TACC2: variants seen among roughly 807,000 people sequenced by gnomAD.
TACC2 encodes transforming acidic coiled-coil containing protein 2.
A neutral mutation model predicts 227.3 loss-of-function variants in TACC2; 137 were observed. The ratio of observed to expected loss-of-function variants is 0.60; its 90% CI spans 0.52 to 0.69. The LOEUF is 0.69. Ranked by LOEUF, TACC2 falls within the 30% of genes least tolerant of loss-of-function variation. The pLI is 0.00. For synonymous variants in TACC2, 1,523 were observed against 1,487.5 expected, an observed-to-expected ratio of 1.02 and a Z score of -0.55; for missense variants, 3,470 against 3,694.4, an observed-to-expected ratio of 0.94 and a Z score of 1.57.
rs2091909198 is a variant in TACC2, at chr10:122,150,356, G to A, written c.5834+6650G>A. Among the ~76,000 whole-genome samples the A allele has an allele frequency of 6.6e-6, 1 of 152,362 alleles. No individual in the cohort carries two copies. Among genetic ancestry groups the A allele is most frequent in the African/African-American group, 2.4e-5 (1 of 41,594 alleles). On this transcript the variant is annotated intron_variant, in intron 7 of 22. Transcript: ENST00000369005. The surrounding 1 kb of genome is among the most constrained non-coding windows in gnomAD (Gnocchi z 4.0). ...TCAGCACAGCACTGGTGGGTGGAAG[G>A]TTCCAGGGCAGTGTGGGGGCCCTTC...
intron 2 of TACC2, among the ~76,000 whole-genome samples, chr10:122,030,081 A>T (rs1009462854): frequency 3.3e-5 from 5 of 152,206 alleles, no homozygotes; most frequent in African/African-American, 1.2e-4. Flanking sequence ...ACAGTCCCCC[A>T]CAATAAAGAA....
At chr10:122,035,880 A>G (rs1373959721) in intron 2 of TACC2, among the ~76,000 whole-genome samples, 4 of 151,608 alleles carry the variant, frequency 2.6e-5, no homozygotes, top group African/African-American at 9.7e-5. Flanking sequence ...TAGTGCAATC[A>G]TAGTTCACTG....
rs1005242661 is a variant in TACC2 at position 122,209,639 on chromosome 10, C to T, written c.5972-758C>T. On this transcript the variant is annotated intron_variant, in intron 8 of 22. Transcript: ENST00000369005. The surrounding 1 kb of genome is among the most constrained non-coding windows in gnomAD (Gnocchi z 4.5). ...TTTTAAAAGTGAAACTCTCCTATCC[C>T]GGCTTTATTTTTCTCCTTAGCATGT... Among the ~76,000 whole-genome samples, 4 of 152,134 alleles carry T rather than the reference C, an allele frequency of 2.6e-5. No homozygotes were observed. Among genetic ancestry groups the T allele is most frequent in the African/African-American group, 9.7e-5 (4 of 41,430 alleles).
At chr10:122,173,159 G>A (rs1156671334) in intron 7 of TACC2, among the ~76,000 whole-genome samples, 4 of 152,206 alleles carry the variant, frequency 2.6e-5, no homozygotes, top group South Asian at 2.1e-4. Context: ...GATGGCTTTA[G>A]AGAAATGTGC....
At chr10:122,154,311 T>G (rs7100333) in intron 7 of TACC2, among the ~76,000 whole-genome samples, 121,744 of 152,260 alleles carry the variant, frequency 0.8, 49,150 homozygotes, top group Non-Finnish European at 0.86. Flanking sequence ...TATAAACTGG[T>G]CTTAAGATCG....
At position 122,210,364 on chromosome 10, in the gene TACC2, C is replaced by T; in HGVS notation, c.5972-33C>T. On this transcript the variant is annotated intron_variant, in intron 8 of 22. Coordinates refer to ENST00000369005, the MANE Select transcript of TACC2 (RefSeq NM_206862.4). This position sits in a 1 kb window ranked among gnomAD's most constrained non-coding sequence, Gnocchi z 4.6. ...AGAGGTGCCCCAATGCGTCCTGTGT[C>T]TGTAATTGATGGCGTTGTCTGTGTT... is the stretch of plus-strand genomic sequence containing the variant. 6.5e-7 allele frequency: 1 copy of T among 1,546,120 alleles called. No individual in the cohort carries two copies. Among genetic ancestry groups the T allele is most frequent in the Non-Finnish European group, 8.9e-7 (1 of 1,118,474 alleles).
intron 6 of TACC2, among the ~76,000 whole-genome samples, chr10:122,142,902 C>CT (rs2090834062): frequency 1.3e-5 from 2 of 152,236 alleles, no homozygotes; most frequent in Non-Finnish European, 2.9e-5. Flanking sequence ...AGAACCTCTT[C>CT]TGCACTGCAA....
rs1295149350 is a variant in TACC2 at position 122,143,220 on chromosome 10, C to T, written c.5700-352C>T. ...GTAGAGTTTCATTGCCTATCACAAA[C>T]GAATAGAAATCATCATAAAAAAAAT... On this transcript the variant is annotated intron_variant, in intron 6 of 22. Transcript: ENST00000369005. Among the ~76,000 whole-genome samples, 6 of 152,196 alleles carry T rather than the reference C, an allele frequency of 3.9e-5. No individual in the cohort carries two copies. In the East Asian group the frequency reaches 5.8e-4, roughly 15 times the overall value.
chr10:122,203,866 C>A (rs1288952484), intron 8 of TACC2, among the ~76,000 whole-genome samples: 1 of 151,982 alleles, frequency 6.6e-6, no homozygotes, highest in Non-Finnish European at 1.5e-5. Context: ...AGCCTTGGCA[C>A]CATTGAGCAC....
chr10:122,226,611 T>TC (rs2095634496), intron 13 of TACC2, 130 bp downstream of exon 13: 1 of 663,772 alleles, frequency 1.5e-6, no homozygotes, highest in East Asian at 2.8e-5. Context: ...CATATTTTTT[T>TC]TTTTTTTAAT....
rs1434555063 is a variant in TACC2 at position 122,205,675 on chromosome 10, C to A, written c.5972-4722C>A. ...CTGTTACGATGGGGGCCCTGAGCCC[C>A]CACCCCAGCCCTGCAGAAGGAAGTG... On this transcript the variant is annotated intron_variant, in intron 8 of 22. Coordinates refer to ENST00000369005, the MANE Select transcript of TACC2 (RefSeq NM_206862.4). The surrounding 1 kb of genome is among the most constrained non-coding windows in gnomAD (Gnocchi z 4.5). Among the ~76,000 whole-genome samples the A allele has an allele frequency of 1.3e-5, 2 of 152,304 alleles. No individual in the cohort carries two copies. Among genetic ancestry groups the A allele is most frequent in the East Asian group, 3.9e-4 (2 of 5,164 alleles).
chr10:122,155,913 C>T (rs565604720), intron 7 of TACC2, among the ~76,000 whole-genome samples: 2 of 145,982 alleles, frequency 1.4e-5, no homozygotes, highest in Non-Finnish European at 3.0e-5. Flanking sequence ...TCTTGGCTCA[C>T]TGCAATCTCC....
chr10:122,219,722 G>A (rs1026418885), intron 11 of TACC2, among the ~76,000 whole-genome samples: 9 of 152,084 alleles, frequency 5.9e-5, no homozygotes, highest in Admixed American at 1.3e-4. Flanking sequence ...TCTAAATATC[G>A]GAGAAAAGCA....
intron 3 of TACC2, among the ~76,000 whole-genome samples, chr10:122,066,326 T>C (rs1441211662): frequency 6.6e-6 from 1 of 151,284 alleles, no homozygotes; most frequent in Non-Finnish European, 1.5e-5. Context: ...TGGAGTACAG[T>C]GGCACAGTCT....
intron 5 of TACC2, among the ~76,000 whole-genome samples, chr10:122,107,876 A>ATTTTTTTTTTTTT (rs1464725854): frequency 2.3e-5 from 2 of 85,588 alleles, no homozygotes; most frequent in Non-Finnish European, 4.6e-5. Flanking sequence ...ATATATATAT[A>ATTTTTTTTTTTTT]TATATTTTTT....
At chr10:122,178,157 AC>A (rs2093809456) in intron 7 of TACC2, among the ~76,000 whole-genome samples, 1 of 151,830 alleles carries the variant, frequency 6.6e-6, no homozygotes, top group Non-Finnish European at 1.5e-5. Flanking sequence ...GGCTCATAGC[AC>A]CTTCTTGCTG....
intron 6 of TACC2, among the ~76,000 whole-genome samples, chr10:122,135,671 C>G (rs2089470042): frequency 6.6e-6 from 1 of 152,116 alleles, no homozygotes; most frequent in Non-Finnish European, 1.5e-5. Context: ...TTGGCAGATT[C>G]CATATTTGTG....
At chr10:122,031,797 C>T (rs1959016076) in intron 2 of TACC2, among the ~76,000 whole-genome samples, 1 of 148,748 alleles carries the variant, frequency 6.7e-6, no homozygotes, top group African/African-American at 2.5e-5. Context: ...CACCGCCTCC[C>T]AGGTTCAGGT....
Position 122,050,814 on chromosome 10 carries a change from A to G in TACC2, c.146+264A>G, listed in dbSNP as rs2075590971. 2.2e-6 allele frequency: 1 copy of G among 449,878 alleles called. No individual in the cohort carries two copies. The highest frequency in any genetic ancestry group is 3.8e-5 in the Admixed American group (1 of 26,108). The allele number at this position is 449,878 out of a possible 1,614,324, so 27.9% of individuals were successfully genotyped here. On this transcript the variant is annotated intron_variant, in intron 3 of 22. Transcript: ENST00000369005. This position sits in a 1 kb window ranked among gnomAD's most constrained non-coding sequence, Gnocchi z 4.6. ...TTCCATTCCAGCCACACTCCAGAGT[A>G]TCTTCATTGTCAGAACTTAAAATGG...
Sources: allele counts gnomAD v4.1 joint callset (sites outside exome capture counted in the v4.1 genomes callset), GRCh38; gene constraint gnomAD v4.1.1; non-coding constraint Gnocchi (gnomAD v3.1); transcripts MANE v1.5; gene names NCBI Gene and HGNC (gene_info 2026-07-23, HGNC 2026-07-21).